HTR4: variants seen among roughly 807,000 people sequenced by gnomAD.
HTR4 encodes the protein 5-hydroxytryptamine receptor 4.
Under a neutral mutation model 36.8 loss-of-function variants are expected in HTR4, and 16 were observed. The observed-to-expected ratio is 0.43, with a 90% CI of 0.29 to 0.66. The LOEUF (loss-of-function observed/expected upper bound fraction) is 0.66. Ranked by LOEUF, HTR4 falls within the 30% of genes least tolerant of loss-of-function variation. The pLI is 0.13. For missense variants in HTR4, 438 were observed against 490.9 expected, an observed-to-expected ratio of 0.89 and a Z score of 1.02; for synonymous variants, 189 against 185.1, an observed-to-expected ratio of 1.02 and a Z score of -0.17.
At chr5:148,514,016 T>A (rs1757618622) in intron 5 of HTR4, among the ~76,000 whole-genome samples, 1 of 152,206 alleles carries the variant, frequency 6.6e-6, no homozygotes, top group Non-Finnish European at 1.5e-5. Context: ...TTTACATTCT[T>A]TTGAATTTTC....
At chr5:148,492,984 C>T (rs1324725636) in intron 6 of HTR4, among the ~76,000 whole-genome samples, 2 of 152,226 alleles carry the variant, frequency 1.3e-5, no homozygotes, top group East Asian at 3.8e-4. Context: ...TCAGCCTCAA[C>T]ACATTAGCCT....
chr5:148,481,850 C>G lies in HTR4; in HGVS notation c.*1353G>C. 7.8e-7 allele frequency: 1 copy of G among 1,289,526 alleles called. No individual in the cohort carries two copies. Among genetic ancestry groups the G allele is most frequent in the African/African-American group, 1.5e-5 (1 of 66,052 alleles). The allele number at this position is 1,289,526 out of a possible 1,614,324, so 79.9% of individuals were successfully genotyped here. A position where few individuals can be genotyped will look rare whatever the true frequency, so the allele number is the denominator to read the frequency against. On this transcript the variant is annotated 3_prime_UTR_variant, in exon 7 of 7. Transcript: ENST00000377888. ...TTGAATAAAAGACATCCAGATTAAT[C>G]TGAAGGACAAAGCTGGAAAGGTCAG...
chr5:148,611,164 G>A (rs1338199764), intron 2 of HTR4, among the ~76,000 whole-genome samples: 3 of 144,182 alleles, frequency 2.1e-5, no homozygotes, highest in African/African-American at 7.8e-5. Context: ...TCAGATTCAG[G>A]AAATACAGAG....
intron 2 of HTR4, among the ~76,000 whole-genome samples, chr5:148,572,388 T>C (rs1760711177): frequency 6.6e-6 from 1 of 152,112 alleles, no homozygotes; most frequent in South Asian, 2.1e-4. Flanking sequence ...CAAGGTCACA[T>C]GGCTGGTAGA....
At chr5:148,485,416 T>C (rs1190323188) in intron 6 of HTR4, among the ~76,000 whole-genome samples, 2 of 152,226 alleles carry the variant, frequency 1.3e-5, no homozygotes, top group Admixed American at 6.5e-5. Context: ...ACTACCACTA[T>C]GGATACAGTA....
At chr5:148,561,232 C>T (rs989132148) in intron 2 of HTR4, among the ~76,000 whole-genome samples, 2 of 152,084 alleles carry the variant, frequency 1.3e-5, no homozygotes, top group African/African-American at 4.8e-5. Context: ...ATGAAACAAA[C>T]TTCAAAGCCC....
In HTR4 at chr5:148,482,411, A is replaced by T; in HGVS notation, c.*792T>A. The T allele has an allele frequency of 1.0e-6, 1 of 985,716 alleles. No individual in the cohort carries two copies. The highest frequency in any genetic ancestry group is 1.2e-6 in the Non-Finnish European group (1 of 830,158). The allele number at this position is 985,716 out of a possible 1,614,324, so 61.1% of individuals were successfully genotyped here. The stretch of plus-strand genomic sequence containing the variant: ...AGCAGGAGAGCGAGCATCTCAGGGC[A>T]GACACGCCAGCGGCCAGGACACCAG... On this transcript the variant is annotated 3_prime_UTR_variant, in exon 7 of 7. Coordinates refer to ENST00000377888, the MANE Select transcript of HTR4 (RefSeq NM_000870.7).
chr5:148,465,763 A>T, intron 5 of HTR4: 1 of 1,522,378 alleles, frequency 6.6e-7, no homozygotes, highest in Non-Finnish European at 8.8e-7. Flanking sequence ...TGAGGACAGA[A>T]GTATAAACAG....
chr5:148,511,180 T>C (rs1757482631), intron 5 of HTR4, among the ~76,000 whole-genome samples: 2 of 152,316 alleles, frequency 1.3e-5, no homozygotes, highest in South Asian at 2.1e-4. Flanking sequence ...TTTCGAATAT[T>C]TTATTGAACC....
chr5:148,645,037 TTTTG>T (rs1753840439), intron 1 of HTR4: 1 of 152,240 alleles, frequency 6.6e-6, no homozygotes, highest in African/African-American at 2.4e-5. Context: ...TCGCTTTCAT[TTTTG>T]TTTCTTTATA....
intron 1 of HTR4, among the ~76,000 whole-genome samples, chr5:148,638,031 A>G (rs1371677756): frequency 1.7e-5 from 2 of 115,210 alleles, no homozygotes; most frequent in African/African-American, 7.5e-5. Flanking sequence ...TACCAAGAAG[A>G]ACCTGGAAAT....
intron 1 of HTR4, among the ~76,000 whole-genome samples, chr5:148,649,273 G>GAA (rs80005324): frequency 7.0e-6 from 1 of 143,384 alleles, no homozygotes; most frequent in Non-Finnish European, 1.5e-5. Context: ...GTGTGATCAT[G>GAA]AAAAAAAAAA....
chr5:148,576,120 A>AAAAAACAAAC (rs1554097003), intron 2 of HTR4, among the ~76,000 whole-genome samples: 12 of 130,782 alleles, frequency 9.2e-5, no homozygotes, highest in African/African-American at 3.4e-4. Context: ...CAAAAAAAAA[A>AAAAAACAAAC]AAAAAAAAAA....
intron 1 of HTR4, among the ~76,000 whole-genome samples, chr5:148,651,339 G>A (rs762606975): frequency 6.6e-6 from 1 of 152,084 alleles, no homozygotes; most frequent in Non-Finnish European, 1.5e-5. Flanking sequence ...AAGTTGGAAG[G>A]GGGTGGGAAG....
At chr5:148,531,274 A>G (rs1438096832) in intron 4 of HTR4, among the ~76,000 whole-genome samples, 1 of 152,072 alleles carries the variant, frequency 6.6e-6, no homozygotes, top group Non-Finnish European at 1.5e-5. Context: ...TGCGGCTCCC[A>G]CAGTTCCCAT....
intron 2 of HTR4, among the ~76,000 whole-genome samples, chr5:148,595,266 T>C (rs1000508543): frequency 2.6e-5 from 4 of 152,056 alleles, no homozygotes; most frequent in Non-Finnish European, 5.9e-5. Context: ...CAGAAAATAA[T>C]ACTCAAACAT....
intron 2 of HTR4, among the ~76,000 whole-genome samples, chr5:148,614,619 G>C (rs1335287185): frequency 1.3e-5 from 2 of 152,196 alleles, no homozygotes; most frequent in Admixed American, 1.3e-4. Context: ...ACATAGGCAT[G>C]TGCAAGGACT....
chr5:148,485,846 G>T (rs1019777272), intron 6 of HTR4, among the ~76,000 whole-genome samples: 1 of 152,198 alleles, frequency 6.6e-6, no homozygotes, highest in Non-Finnish European at 1.5e-5. Flanking sequence ...CATGTGGAAG[G>T]CTCCAGAGCA....
intron 6 of HTR4, among the ~76,000 whole-genome samples, chr5:148,501,455 T>A (rs1255544109): frequency 1.3e-5 from 2 of 152,188 alleles, no homozygotes; most frequent in African/African-American, 2.4e-5. Flanking sequence ...TTCATCTGAA[T>A]TTGCTAATGA....
Sources: allele counts gnomAD v4.1 joint callset (sites outside exome capture counted in the v4.1 genomes callset), GRCh38; gene constraint gnomAD v4.1.1; transcripts MANE v1.5; gene names NCBI Gene and HGNC (gene_info 2026-07-23, HGNC 2026-07-21).